The following ETV1 variants were observed in gnomAD, a reference collection of about 807,000 sequenced individuals.
The protein encoded by ETV1 is ETS translocation variant 1.
ETV1 carries 27 observed loss-of-function variants against 62.3 expected under a neutral mutation model. The observed-to-expected ratio is 0.43, with a 90% CI of 0.32 to 0.60. The LOEUF (loss-of-function observed/expected upper bound fraction) is 0.60. Ranked by LOEUF, ETV1 falls within the 20% of genes least tolerant of loss-of-function variation. The pLI, the probability that ETV1 is intolerant of heterozygous loss-of-function variation, is 0.06. For missense variants in ETV1, 605 were observed against 605.8 expected (o/e 1.00, Z 0.01); for synonymous variants, 222 against 199.6 (o/e 1.11, Z -0.94).
chr7:13,950,066 G>A lies in ETV1; in HGVS notation c.236-10820C>T, dbSNP rs550350908. Among the ~76,000 whole-genome samples, 21 of 152,220 alleles carry A rather than the reference G, an allele frequency of 1.4e-4. 1 individual carries two copies. The South Asian group carries it at 3.1e-3, about 23-fold the overall frequency. ...CTCATCCCTTTTTAGGAACATCAGGGTTTTTAAACTGAAGCAGACATTAGA... is the reference window on the plus strand; with the variant it reads ...CTCATCCCTTTTTAGGAACATCAGGATTTTTAAACTGAAGCAGACATTAGA... On this transcript the variant is annotated intron_variant, in intron 6 of 13. Transcript: ENST00000430479.
intron 5 of ETV1, among the ~76,000 whole-genome samples, chr7:13,982,256 G>A (rs1481206930): frequency 6.6e-6 from 1 of 151,872 alleles, no homozygotes; most frequent in East Asian, 1.9e-4. Context: ...ACAGAGGTCT[G>A]ACTCTATTAT....
intron 9 of ETV1, among the ~76,000 whole-genome samples, chr7:13,924,494 C>T (rs553124749): frequency 2.6e-5 from 4 of 152,254 alleles, no homozygotes; most frequent in South Asian, 2.1e-4. Flanking sequence ...TACCTCACTG[C>T]GGTGAACACC....
At chr7:13,919,579 C>G (rs1446154904) in intron 9 of ETV1, among the ~76,000 whole-genome samples, 2 of 141,584 alleles carry the variant, frequency 1.4e-5, no homozygotes, top group African/African-American at 5.5e-5. Flanking sequence ...CACACACACA[C>G]ACACACACAC....
intron 6 of ETV1, among the ~76,000 whole-genome samples, chr7:13,943,470 C>G (rs1418546327): frequency 6.6e-6 from 1 of 152,114 alleles, no homozygotes; most frequent in Non-Finnish European, 1.5e-5. Context: ...GCAATATCTA[C>G]TAGGGCAAGA....
rs188673442 is a variant in ETV1, at chr7:13,978,385, A to G, written c.182-905T>C. Reference sequence around the variant, plus strand: ...TAGTAATAAGCTTTCACAAACACACATAAATACATGCAAACACACACACAC... The same window carrying G: ...TAGTAATAAGCTTTCACAAACACACGTAAATACATGCAAACACACACACAC... On this transcript the variant is annotated intron_variant, in intron 5 of 13. Coordinates refer to ENST00000430479, the MANE Select transcript of ETV1 (RefSeq NM_004956.5). Among the ~76,000 whole-genome samples the G allele has an allele frequency of 3.0e-3, 373 of 123,900 alleles. 3 individuals carry two copies. The highest frequency in any genetic ancestry group is 0.012 in the African/African-American group (360 of 30,412). The allele number at this position is 123,900 out of a possible 152,430, so 81.3% of individuals were successfully genotyped here. A position where few individuals can be genotyped will look rare whatever the true frequency, so the allele number is the denominator to read the frequency against.
chr7:13,978,053 C>G (rs1243673983), intron 5 of ETV1, among the ~76,000 whole-genome samples: 1 of 152,082 alleles, frequency 6.6e-6, no homozygotes, highest in African/African-American at 2.4e-5. Flanking sequence ...TGATTTGGCT[C>G]ATATATAATA....
intron 6 of ETV1, among the ~76,000 whole-genome samples, chr7:13,968,911 CAA>C (rs1195865243): frequency 6.6e-6 from 1 of 152,062 alleles, no homozygotes; most frequent in Non-Finnish European, 1.5e-5. Context: ...AAAATTCTTG[CAA>C]GAGAGCCTAC....
At position 13,892,648 on chromosome 7, in the gene ETV1, G is replaced by C. The variant is rs1282592577; in HGVS notation, c.*3218C>G. 4.3e-6 allele frequency: 1 copy of C among 232,240 alleles called. No homozygotes were observed. Among genetic ancestry groups the C allele is most frequent in the Non-Finnish European group, 8.5e-6 (1 of 117,526 alleles). The allele number at this position is 232,240 out of a possible 1,614,324, so 14.4% of individuals were successfully genotyped here. The stretch of plus-strand genomic sequence containing the variant: ...CACACGTCATTAAGTTAAGGATCTT[G>C]AGATGGAGAGATTGTCCTGGATTAT... On this transcript the variant is annotated 3_prime_UTR_variant, in exon 14 of 14. Transcript: ENST00000430479.
chr7:13,927,232 T>C (rs1409190062), intron 9 of ETV1, among the ~76,000 whole-genome samples: 3 of 152,112 alleles, frequency 2.0e-5, no homozygotes, highest in African/African-American at 7.2e-5. Flanking sequence ...GCGGATCACT[T>C]GAGGTCAGGC....
rs1453202067 is a variant in ETV1, at chr7:13,900,912, TA to T, written c.1111-74del. 6.8e-6 allele frequency: 7 copies of T among 1,034,026 alleles called. No individual in the cohort carries two copies. The Admixed American group carries it at 1.7e-4, about 25-fold the overall frequency. The allele number at this position is 1,034,026 out of a possible 1,614,324, so 64.1% of individuals were successfully genotyped here. A position where few individuals can be genotyped will look rare whatever the true frequency, so the allele number is the denominator to read the frequency against. On this transcript the variant is annotated intron_variant, in intron 12 of 13. Transcript: ENST00000430479. ...GCATATTTCATAAAAATTATTTAATTAATTACTTCCAAACCCACAAAAATGT... is the reference window on the plus strand; with the variant it reads ...GCATATTTCATAAAAATTATTTAATTATTACTTCCAAACCCACAAAAATGT...
At chr7:13,923,197 T>A (rs1275608555) in intron 9 of ETV1, among the ~76,000 whole-genome samples, 1 of 152,172 alleles carries the variant, frequency 6.6e-6, no homozygotes, top group Non-Finnish European at 1.5e-5. Flanking sequence ...AAAATAACCA[T>A]GTTGTTCTTG....
intron 9 of ETV1, among the ~76,000 whole-genome samples, chr7:13,914,792 T>A (rs933066260): frequency 3.3e-5 from 5 of 152,232 alleles, no homozygotes; most frequent in South Asian, 4.1e-4. Context: ...GCATATTTGC[T>A]GCCTCTATAG....
At chr7:13,925,799 G>T (rs911591403) in intron 9 of ETV1, among the ~76,000 whole-genome samples, 2 of 151,512 alleles carry the variant, frequency 1.3e-5, no homozygotes, top group African/African-American at 4.9e-5. Flanking sequence ...CTCGTGATCC[G>T]CCCACCTCGC....
At chr7:13,970,265 C>A (rs1473933667) in intron 6 of ETV1, among the ~76,000 whole-genome samples, 56 of 4,620 alleles carry the variant, frequency 0.012, 1 homozygote, top group Middle Eastern at 0.083. Context: ...CATCTCAAAA[C>A]ACACACACAC....
At chr7:13,944,945 G>A (rs762388741) in intron 6 of ETV1, among the ~76,000 whole-genome samples, 1 of 152,124 alleles carries the variant, frequency 6.6e-6, no homozygotes, top group Non-Finnish European at 1.5e-5. Flanking sequence ...ACCAGCCAAG[G>A]AATGCCAGAG....
chr7:13,915,367 T>A (rs1562607113), intron 9 of ETV1, among the ~76,000 whole-genome samples: 1 of 152,138 alleles, frequency 6.6e-6, no homozygotes, highest in African/African-American at 2.4e-5. Context: ...TACCTAGGAG[T>A]TTCAACTAGT....
At chr7:13,923,610 T>C (rs932337121) in intron 9 of ETV1, among the ~76,000 whole-genome samples, 1 of 152,328 alleles carries the variant, frequency 6.6e-6, no homozygotes, top group African/African-American at 2.4e-5. Context: ...TTCGATGTGC[T>C]AAGGACAGAT....
chr7:13,960,074 G>A (rs1383423289), intron 6 of ETV1, among the ~76,000 whole-genome samples: 2 of 142,294 alleles, frequency 1.4e-5, no homozygotes, highest in East Asian at 3.9e-4. Context: ...TACATCTAAA[G>A]TATTTCTTCT....
In ETV1 at chr7:13,912,181, T is replaced by C. The variant is rs142750781; in HGVS notation, c.803-874A>G. ...CTGGAGGCAGCCAGAGGAAAACAGATAGGCTAAACTCTATTACATATAAGT... is the reference window on the plus strand; with the variant it reads ...CTGGAGGCAGCCAGAGGAAAACAGACAGGCTAAACTCTATTACATATAAGT... On this transcript the variant is annotated intron_variant, in intron 9 of 13. Transcript: ENST00000430479. 8.8e-3 allele frequency among the ~76,000 whole-genome samples: 1,340 copies of C among 152,280 alleles called. 15 individuals carry two copies. The highest frequency in any genetic ancestry group is 0.028 in the African/African-American group (1,156 of 41,556).
Sources: allele counts gnomAD v4.1 joint callset (sites outside exome capture counted in the v4.1 genomes callset), GRCh38; gene constraint gnomAD v4.1.1; transcripts MANE v1.5; gene names NCBI Gene and HGNC (gene_info 2026-07-23, HGNC 2026-07-21).